Variants in ACTR3B observed in about 807,000 individuals in gnomAD.
ACTR3B encodes the protein actin-related protein 3B.
In ACTR3B, 8 loss-of-function variants were observed where a neutral mutation model predicts 59.0. The observed-to-expected ratio is 0.14, with a 90% CI of 0.08 to 0.24. The LOEUF is 0.24. Ranked by LOEUF, ACTR3B falls within the 10% of genes least tolerant of loss-of-function variation. The pLI, the probability that ACTR3B is intolerant of heterozygous loss-of-function variation, is 1.00. For synonymous variants in ACTR3B, 148 were observed against 197.9 expected, an observed-to-expected ratio of 0.75 and a Z score of 2.12; for missense variants, 245 against 552.3, an observed-to-expected ratio of 0.44 and a Z score of 5.58.
intron 2 of ACTR3B, among the ~76,000 whole-genome samples, chr7:152,797,978 A>G (rs1438626302): frequency 6.6e-6 from 1 of 152,140 alleles, no homozygotes; most frequent in Non-Finnish European, 1.5e-5. Context: ...GTTATTGTGA[A>G]TAGTGCTACA....
At chr7:152,812,819 G>A (rs1217731080) in intron 4 of ACTR3B, 3 of 128,956 alleles carry the variant, frequency 2.3e-5, no homozygotes, top group African/African-American at 8.5e-5. Context: ...CTGTCGTAGG[G>A]GTGTATTAGT....
intron 4 of ACTR3B, chr7:152,810,939 T>C (rs1399442924): frequency 4.6e-5 from 7 of 152,126 alleles, no homozygotes; most frequent in Non-Finnish European, 7.3e-5. Flanking sequence ...TTACAAATTG[T>C]TGAAGCAGAA....
chr7:152,828,081 C>T (rs1216344587), intron 9 of ACTR3B, among the ~76,000 whole-genome samples: 1 of 151,894 alleles, frequency 6.6e-6, no homozygotes, highest in Admixed American at 6.6e-5. Context: ...GTTTTATTTA[C>T]AAAAGCAGGA....
chr7:152,802,021 T>TCCCCCTGGGTCCAGGGTGG (rs2098238406), intron 4 of ACTR3B, among the ~76,000 whole-genome samples: 1 of 152,130 alleles, frequency 6.6e-6, no homozygotes, highest in Non-Finnish European at 1.5e-5. Context: ...TTCTGTTTGT[T>TCCCCCTGGGTCCAGGGTGG]CCCCCTGGGT....
At chr7:152,774,749 G>A (rs1202896329) in intron 1 of ACTR3B, among the ~76,000 whole-genome samples, 1 of 152,044 alleles carries the variant, frequency 6.6e-6, no homozygotes, top group Non-Finnish European at 1.5e-5. Context: ...ATTTAAGTTT[G>A]AACTTTATAT....
chr7:152,796,136 C>T (rs1206149501), intron 2 of ACTR3B, among the ~76,000 whole-genome samples: 21 of 152,312 alleles, frequency 1.4e-4, no homozygotes, highest in Admixed American at 1.1e-3. Context: ...TGAGCCACCG[C>T]GCCCGGCCTT....
At chr7:152,791,226 G>A (rs977604414) in intron 2 of ACTR3B, among the ~76,000 whole-genome samples, 5 of 152,018 alleles carry the variant, frequency 3.3e-5, no homozygotes, top group African/African-American at 1.2e-4. Flanking sequence ...GCCCAGTCTG[G>A]TCTTGAACTC....
At chr7:152,768,432 T>C (rs1456311899) in intron 1 of ACTR3B, among the ~76,000 whole-genome samples, 1 of 152,192 alleles carries the variant, frequency 6.6e-6, no homozygotes, top group Non-Finnish European at 1.5e-5. Context: ...TTTGTTTGTT[T>C]GTTTGTTTTC....
In ACTR3B at chr7:152,781,815, C is replaced by G. The variant is rs537600799; in HGVS notation, c.45-1372C>G. Reference sequence around the variant, plus strand: ...TCTGAATTCTACCTTGTAGGTGGAACCCCGGAGTGGAGTTGTGGTAGGTCC... The same window carrying G: ...TCTGAATTCTACCTTGTAGGTGGAAGCCCGGAGTGGAGTTGTGGTAGGTCC... On this transcript the variant is annotated intron_variant, in intron 1 of 11. Coordinates refer to ENST00000256001, the MANE Select transcript of ACTR3B (RefSeq NM_020445.6). Among the ~76,000 whole-genome samples the G allele has an allele frequency of 2.6e-5, 4 of 152,232 alleles. No homozygotes were observed. In the East Asian group the frequency reaches 7.7e-4, roughly 29 times the overall value.
chr7:152,819,428 G>A (rs1590358622), intron 6 of ACTR3B, among the ~76,000 whole-genome samples: 1 of 152,248 alleles, frequency 6.6e-6, no homozygotes, highest in Admixed American at 6.5e-5. Flanking sequence ...AGCGGTGGGC[G>A]TTGTCCACTC....
chr7:152,810,586 C>T (rs555961079), intron 4 of ACTR3B, among the ~76,000 whole-genome samples: 16 of 151,796 alleles, frequency 1.1e-4, no homozygotes, highest in African/African-American at 2.9e-4. Flanking sequence ...GGCACACACC[C>T]GGCTACCACA....
At chr7:152,760,496 G>A (rs1186910601) in intron 1 of ACTR3B, among the ~76,000 whole-genome samples, 1 of 152,176 alleles carries the variant, frequency 6.6e-6, no homozygotes, top group Admixed American at 6.5e-5. Context: ...CTCCCAACTT[G>A]ATACCATTTT....
At chr7:152,814,484 T>G in intron 4 of ACTR3B, 66 bp from the exon 5 acceptor site, 1 of 1,186,056 alleles carries the variant, frequency 8.4e-7, no homozygotes, top group South Asian at 1.3e-5. Flanking sequence ...GTTAACCTGT[T>G]TATGGTTCTG....
At chr7:152,830,655 C>G (rs1404318903) in intron 9 of ACTR3B, among the ~76,000 whole-genome samples, 5 of 152,080 alleles carry the variant, frequency 3.3e-5, no homozygotes, top group Admixed American at 3.3e-4. Flanking sequence ...CTCAAGCAGT[C>G]CTCCCACCTC....
intron 6 of ACTR3B, among the ~76,000 whole-genome samples, chr7:152,818,210 A>G (rs1196287601): frequency 1.3e-5 from 2 of 152,132 alleles, no homozygotes; most frequent in Non-Finnish European, 2.9e-5. Flanking sequence ...TTCTTTGCCT[A>G]TTTCTTATGT....
intron 9 of ACTR3B, among the ~76,000 whole-genome samples, chr7:152,842,590 A>T (rs1024006830): frequency 1.3e-5 from 2 of 152,014 alleles, no homozygotes; most frequent in East Asian, 3.9e-4. Context: ...GGCTTCCTTC[A>T]CTCGGTGCTT....
chr7:152,830,540 A>G (rs1796942130), intron 9 of ACTR3B, among the ~76,000 whole-genome samples: 1 of 152,200 alleles, frequency 6.6e-6, no homozygotes, highest in African/African-American at 2.4e-5. Flanking sequence ...AGTTATAGAT[A>G]TAAAATAAAT....
chr7:152,802,889 G>A (rs536177255), intron 4 of ACTR3B, among the ~76,000 whole-genome samples: 4 of 152,098 alleles, frequency 2.6e-5, no homozygotes, highest in Non-Finnish European at 5.9e-5. Flanking sequence ...ACTCTATAAC[G>A]AATATATGTA....
chr7:152,840,566 T>C (rs1305670318), intron 9 of ACTR3B, among the ~76,000 whole-genome samples: 9 of 149,352 alleles, frequency 6.0e-5, no homozygotes. Context: ...TGGGGTCAGA[T>C]TGTGAAGGGC....
Sources: allele counts gnomAD v4.1 joint callset (sites outside exome capture counted in the v4.1 genomes callset), GRCh38; gene constraint gnomAD v4.1.1; transcripts MANE v1.5; gene names NCBI Gene and HGNC (gene_info 2026-07-23, HGNC 2026-07-21).